Variants in C19orf47 observed in about 807,000 individuals in gnomAD.
C19orf47 encodes chromosome 19 open reading frame 47.
A neutral mutation model predicts 32.3 loss-of-function variants in C19orf47; 18 were observed. That is an observed-to-expected ratio of 0.56 (90% CI 0.39 to 0.83). The LOEUF is 0.83. C19orf47 is among the 40% of genes least tolerant of loss of function. The probability of loss-of-function intolerance (pLI) is 0.00; values close to 1 mark genes in which losing one functional copy is unlikely to be tolerated. For synonymous variants in C19orf47, 202 were observed against 211.1 expected (o/e 0.96, Z 0.37); for missense variants, 484 against 531.6 (o/e 0.91, Z 0.88).
the C19orf47 span, among the ~76,000 whole-genome samples, chr19:40,311,964 CTT>C: frequency 1.3e-5 from 2 of 152,060 alleles, no homozygotes; most frequent in Non-Finnish European, 2.9e-5. Context: ...GCCCAATTTG[CTT>C]TTTTCACTCA....
At chr19:40,318,509 G>T (rs1159872665), downstream of C19orf47, among the ~76,000 whole-genome samples, 1 of 152,106 alleles carries the variant, frequency 6.6e-6, no homozygotes, top group Non-Finnish European at 1.5e-5. Flanking sequence ...TTAGCAACTG[G>T]AACTCTTCCA....
intron 7 of C19orf47, among the ~76,000 whole-genome samples, chr19:40,325,962 A>G (rs1390363027): frequency 6.6e-6 from 1 of 152,196 alleles, no homozygotes; most frequent in Non-Finnish European, 1.5e-5. Flanking sequence ...CTGTACTCCA[A>G]GTCAGAAGGC....
chr19:40,340,047 A>G (rs191883609), intron 2 of C19orf47, among the ~76,000 whole-genome samples: 19 of 151,994 alleles, frequency 1.3e-4, no homozygotes, highest in African/African-American at 4.6e-4. Context: ...GATTTATTCC[A>G]TATGGAGAAT....
At chr19:40,324,128 G>A (rs2145521860) in intron 7 of C19orf47, 52 bp from the exon 8 acceptor site, 1 of 1,580,398 alleles carries the variant, frequency 6.3e-7, no homozygotes, top group Non-Finnish European at 8.7e-7. Context: ...CCAGGCCTAG[G>A]CTGAGCTCTG....
chr19:40,325,043 G>A (rs1183630514), intron 7 of C19orf47, among the ~76,000 whole-genome samples: 5 of 151,976 alleles, frequency 3.3e-5, no homozygotes, highest in Admixed American at 3.3e-4. Flanking sequence ...GCCAAGGCAG[G>A]TGGATCACCC....
At position 40,322,199 on chromosome 19, in the gene C19orf47, T is replaced by C. The variant is rs138900880; in HGVS notation, c.841A>G (p.Thr281Ala). Reference protein sequence around the residue: ...QPALTVKAKATSSATTAAAPT... With the variant: ...QPALTVKAKAASSATTAAAPT... ...GCAGCAGCCGTTGTCGCTGAGCTTG[T>C]GGCCTTGGCTTTGACAGTCAGTGCT... Residue 281 changes from threonine (T) to alanine (A), a missense_variant, in exon 9 of 9, where the codon ACA (threonine) becomes GCA (alanine). Physicochemically the swap from Thr to Ala is moderately conservative, Grantham distance 58. Coordinates refer to ENST00000683109, the MANE Select transcript of C19orf47 (RefSeq NM_001256441.2). 31 of 1,611,386 alleles carry C rather than the reference T, an allele frequency of 1.9e-5. No homozygotes were observed. Among genetic ancestry groups the C allele is most frequent in the African/African-American group, 1.9e-4 (14 of 75,066 alleles).
the C19orf47 span, among the ~76,000 whole-genome samples, chr19:40,308,764 T>C: frequency 3.3e-5 from 5 of 151,832 alleles, no homozygotes; most frequent in South Asian, 2.1e-4. Flanking sequence ...ACGCCCAGAA[T>C]AGAACATTTT....
In C19orf47 at chr19:40,328,655, GAGA is replaced by G. The variant is rs1345713997; in HGVS notation, c.302-108_302-106del. On this transcript the variant is annotated intron_variant, in intron 5 of 8. Coordinates refer to ENST00000683109, the MANE Select transcript of C19orf47 (RefSeq NM_001256441.2). ...GAGAAGGTGAGGCTTGAGACTGAAT[GAGA>G]AGGTCAGCGGGTATCACCCTGTAAC... 2.8e-6 allele frequency: 4 copies of G among 1,411,662 alleles called. No individual in the cohort carries two copies. The East Asian group carries it at 9.6e-5, about 34-fold the overall frequency. 87.4% of individuals were successfully genotyped at this position (1,411,662 alleles called of 1,614,324 possible).
At chr19:40,298,635 G>A in the C19orf47 span, among the ~76,000 whole-genome samples, 4 of 152,202 alleles carry the variant, frequency 2.6e-5, no homozygotes, top group East Asian at 5.8e-4. Flanking sequence ...GTTCAAAATC[G>A]CTTACTTCCT....
chr19:40,332,357 G>GA (rs113904450), intron 5 of C19orf47, among the ~76,000 whole-genome samples: 33 of 137,528 alleles, frequency 2.4e-4, no homozygotes, highest in East Asian at 2.1e-3. Context: ...TATCTCAAGG[G>GA]AAAAAAAAAA....
chr19:40,305,011 T>C, the C19orf47 span, among the ~76,000 whole-genome samples: 2 of 150,688 alleles, frequency 1.3e-5, no homozygotes, highest in Non-Finnish European at 3.0e-5. Context: ...GGCGGATCAC[T>C]TGAGGCCAGG....
chr19:40,347,904 T>C (rs1270315117), intron 1 of C19orf47, among the ~76,000 whole-genome samples: 1 of 152,182 alleles, frequency 6.6e-6, no homozygotes, highest in African/African-American at 2.4e-5. Context: ...TGGGACTATC[T>C]GCTCTCATTG....
chr19:40,312,215 C>G, the C19orf47 span, among the ~76,000 whole-genome samples: 1 of 152,122 alleles, frequency 6.6e-6, no homozygotes, highest in Admixed American at 6.6e-5. Context: ...GTGACTGTGG[C>G]AGAAGTGAAG....
chr19:40,332,209 T>C (rs745943698), intron 5 of C19orf47, among the ~76,000 whole-genome samples: 2 of 150,982 alleles, frequency 1.3e-5, no homozygotes. Flanking sequence ...AATACAAAAA[T>C]TGGCTGGGCA....
In C19orf47 at chr19:40,322,166, G is replaced by A. The variant is rs1434011612; in HGVS notation, c.874C>T (p.Leu292=). ...SSATTAAAPT[L]RRLALSSRSG... is the part of the protein sequence containing the mutation. Reference sequence around the variant, plus strand: ...CGTGAGGAAAGCGCCAGGCGCCGCAGTGTCGGGGCAGCAGCCGTTGTCGCT... The same window carrying A: ...CGTGAGGAAAGCGCCAGGCGCCGCAATGTCGGGGCAGCAGCCGTTGTCGCT... The change falls in exon 9 of 9, where the codon CTG becomes TTG. Residue 292 remains leucine (L), a synonymous_variant. Coordinates refer to ENST00000683109, the MANE Select transcript of C19orf47 (RefSeq NM_001256441.2). 6 of 1,612,958 alleles carry A rather than the reference G, an allele frequency of 3.7e-6. No individual in the cohort carries two copies. Among genetic ancestry groups the A allele is most frequent in the Middle Eastern group, 1.6e-4 (1 of 6,082 alleles).
Position 40,321,179 on chromosome 19 carries a change from G to A in C19orf47, c.*703C>T, listed in dbSNP as rs1261278945. ...TACACTTTCAGAGACAGATGCCCAG[G>A]GCAGGAAAACGGATGCGCCTCAGCC... is the stretch of plus-strand genomic sequence containing the variant. On this transcript the variant is annotated 3_prime_UTR_variant, in exon 9 of 9. Coordinates refer to ENST00000683109, the MANE Select transcript of C19orf47 (RefSeq NM_001256441.2). The A allele has an allele frequency of 8.5e-6, 8 of 946,216 alleles. No individual in the cohort carries two copies. The highest frequency in any genetic ancestry group is 1.0e-5 in the Non-Finnish European group (8 of 793,080). 58.6% of individuals were successfully genotyped at this position (946,216 alleles called of 1,614,324 possible).
chr19:40,339,346 G>T (rs138044215), intron 2 of C19orf47, among the ~76,000 whole-genome samples: 303 of 152,324 alleles, frequency 2.0e-3, no homozygotes, highest in Admixed American at 5.6e-3. Context: ...ATTAAGTTGT[G>T]CAATGATGTG....
intron 1 of C19orf47, among the ~76,000 whole-genome samples, chr19:40,343,982 G>A (rs1036436627): frequency 1.3e-5 from 2 of 151,718 alleles, no homozygotes; most frequent in African/African-American, 2.4e-5. Flanking sequence ...TTTTAGTACA[G>A]ATGGGGTTTC....
At position 40,321,895 on chromosome 19, in the gene C19orf47, C is replaced by A. The variant is rs147228641; in HGVS notation, c.1145G>T (p.Arg382Leu). ...CCCACAGGTGGGCTAGAAGGTCCTG[C>A]GGCCCAGTCTTTTGAACACGCTCAC... ...GTVSVFKRLG[R>L]RTF is the part of the protein sequence containing the mutation. Residue 382 changes from arginine to leucine, a missense_variant, in exon 9 of 9, where the codon CGC becomes CTC. Around this residue, in one of 3 missense-constraint regions of C19orf47, gnomAD observed 51 missense variants for 74.5 expected, o/e 0.68. Transcript: ENST00000683109. 6.3e-7 allele frequency: 1 copy of A among 1,597,246 alleles called. No homozygotes were observed. Among genetic ancestry groups the A allele is most frequent in the African/African-American group, 1.3e-5 (1 of 74,646 alleles).
Sources: allele counts gnomAD v4.1 joint callset (sites outside exome capture counted in the v4.1 genomes callset), GRCh38; gene constraint gnomAD v4.1.1; regional missense constraint gnomAD v4.1.1; transcripts MANE v1.5; gene names NCBI Gene and HGNC (gene_info 2026-07-23, HGNC 2026-07-21).